Variants in ARHGAP6 observed in about 807,000 individuals in gnomAD.
ARHGAP6 encodes the protein rho GTPase-activating protein 6.
Under a neutral mutation model 55.7 loss-of-function variants are expected in ARHGAP6, and 16 were observed. That is an observed-to-expected ratio of 0.29 (90% CI 0.19 to 0.44). ARHGAP6 has a LOEUF of 0.44. Ranked by LOEUF, ARHGAP6 falls within the 20% of genes least tolerant of loss-of-function variation. The pLI, the probability that ARHGAP6 is intolerant of heterozygous loss-of-function variation, is 1.00. For synonymous variants in ARHGAP6, 382 were observed against 360.9 expected, an observed-to-expected ratio of 1.06 and a Z score of -0.66; for missense variants, 698 against 808.9, an observed-to-expected ratio of 0.86 and a Z score of 1.66.
At chrX:11,145,250 C>T (rs763635650) in intron 10 of ARHGAP6, 3 of 112,143 alleles carry the variant, frequency 2.7e-5, no homozygotes, top group Non-Finnish European at 5.6e-5. Flanking sequence ...CTTTTTATTT[C>T]TTAAAGAAGG....
chrX:11,584,131 T>A (rs1351113404), intron 1 of ARHGAP6, among the ~76,000 whole-genome samples: 1 of 112,158 alleles, frequency 8.9e-6, no homozygotes, highest in Non-Finnish European at 1.9e-5. Context: ...TGTCACTAGA[T>A]ACAAGACAAA....
At chrX:11,637,787 CT>C (rs755299744) in intron 1 of ARHGAP6, among the ~76,000 whole-genome samples, 1 of 107,982 alleles carries the variant, frequency 9.3e-6, no homozygotes, top group African/African-American at 3.4e-5. Context: ...CATTTTAAGT[CT>C]TCTTAATTAC....
intron 1 of ARHGAP6, among the ~76,000 whole-genome samples, chrX:11,458,521 T>C (rs187225228): frequency 8.9e-6 from 1 of 112,650 alleles, no homozygotes; most frequent in Admixed American, 9.4e-5. Flanking sequence ...AAAGAGTATG[T>C]CTTGGAGTAG....
At chrX:11,497,559 T>TCTC (rs2050635811) in intron 1 of ARHGAP6, among the ~76,000 whole-genome samples, 4 of 41,142 alleles carry the variant, frequency 9.7e-5, no homozygotes, top group African/African-American at 2.8e-4. Context: ...CCCTCCCTCC[T>TCTC]TCTCTCTCTC....
intron 1 of ARHGAP6, among the ~76,000 whole-genome samples, chrX:11,377,845 G>A (rs749320496): frequency 4.7e-4 from 52 of 111,622 alleles, no homozygotes; most frequent in Non-Finnish European, 8.8e-4. Flanking sequence ...GAACTGATCT[G>A]TGGGCCCAAA....
At chrX:11,662,425 T>C (rs191163121) in intron 1 of ARHGAP6, among the ~76,000 whole-genome samples, 9 of 106,936 alleles carry the variant, frequency 8.4e-5, no homozygotes, top group East Asian at 2.8e-4. Context: ...CACACACACA[T>C]ACACACATAT....
chrX:11,439,375 G>A (rs1034925289), intron 1 of ARHGAP6, among the ~76,000 whole-genome samples: 6 of 112,300 alleles, frequency 5.3e-5, no homozygotes, highest in East Asian at 2.8e-4. Flanking sequence ...ACACCCATTC[G>A]TTTACTTACT....
At chrX:11,390,154 A>G (rs762720620) in intron 1 of ARHGAP6, among the ~76,000 whole-genome samples, 23 of 111,528 alleles carry the variant, frequency 2.1e-4, no homozygotes, top group African/African-American at 7.2e-4. Context: ...TGGCTAGCCA[A>G]TTTTCCCAGC....
chrX:11,420,812 C>A (rs1342223116), intron 1 of ARHGAP6, among the ~76,000 whole-genome samples: 1 of 111,865 alleles, frequency 8.9e-6, no homozygotes, highest in Non-Finnish European at 1.9e-5. Context: ...GGCTGCTGAG[C>A]ACTCCACACA....
intron 1 of ARHGAP6, among the ~76,000 whole-genome samples, chrX:11,491,710 G>A (rs1300679934): frequency 6.3e-5 from 7 of 111,328 alleles, no homozygotes; most frequent in Admixed American, 5.7e-4. Flanking sequence ...ATGATTTATA[G>A]TCCTTTGGGT....
chrX:11,246,596 C>T (rs900735356), intron 2 of ARHGAP6, among the ~76,000 whole-genome samples: 2 of 112,000 alleles, frequency 1.8e-5, no homozygotes, highest in African/African-American at 6.5e-5. Context: ...ACCAATAAGA[C>T]GTAGCCCTAC....
Position 11,310,383 on chromosome X carries a change from T to C in ARHGAP6, c.589-55676A>G, listed in dbSNP as rs1446875024. ...ATGTAAGTCTGCACAAAAACTTGCA[T>C]ATGAATGTTCCTAACAGCATTATTC... On this transcript the variant is annotated intron_variant, in intron 1 of 12. Transcript: ENST00000337414. 3.6e-5 allele frequency among the ~76,000 whole-genome samples: 4 copies of C among 110,879 alleles called. No individual in the cohort carries two copies. In the East Asian group the frequency reaches 1.1e-3, roughly 31 times the overall value.
chrX:11,206,490 A>G (rs1253050486), intron 2 of ARHGAP6, among the ~76,000 whole-genome samples: 1 of 112,038 alleles, frequency 8.9e-6, no homozygotes, highest in Non-Finnish European at 1.9e-5. Flanking sequence ...GCTGTAATCA[A>G]AGGCACTGAT....
intron 1 of ARHGAP6, among the ~76,000 whole-genome samples, chrX:11,534,124 T>C (rs1468402646): frequency 1.8e-5 from 2 of 111,263 alleles, no homozygotes; most frequent in Non-Finnish European, 3.8e-5. Flanking sequence ...ACAGTTCTTA[T>C]CTCTGTGGGC....
At chrX:11,361,346 G>A (rs1402613427) in intron 1 of ARHGAP6, among the ~76,000 whole-genome samples, 1 of 110,007 alleles carries the variant, frequency 9.1e-6, no homozygotes, top group African/African-American at 3.3e-5. Context: ...CAGAAATAAC[G>A]CCGCATATCT....
chrX:11,362,020 G>C (rs1482857601), intron 1 of ARHGAP6, among the ~76,000 whole-genome samples: 1 of 111,795 alleles, frequency 8.9e-6, no homozygotes, highest in Non-Finnish European at 1.9e-5. Context: ...TGCTGGAGAG[G>C]ATGTGGAGAA....
intron 1 of ARHGAP6, among the ~76,000 whole-genome samples, chrX:11,375,378 T>C (rs1012321989): frequency 4.4e-5 from 5 of 112,467 alleles, no homozygotes; most frequent in Non-Finnish European, 7.5e-5. Context: ...ATGAAACATT[T>C]ATATTTGAAG....
chrX:11,501,164 C>T (rs1375849921), intron 1 of ARHGAP6, among the ~76,000 whole-genome samples: 1 of 112,006 alleles, frequency 8.9e-6, no homozygotes, highest in East Asian at 2.8e-4. Flanking sequence ...TAAAACTTTA[C>T]TTACAAGCTG....
At chrX:11,365,455 A>C (rs1376553070) in intron 1 of ARHGAP6, among the ~76,000 whole-genome samples, 1 of 112,461 alleles carries the variant, frequency 8.9e-6, no homozygotes, top group Non-Finnish European at 1.9e-5. Context: ...GTATTTTCAC[A>C]AGCTAAAAAT....
Sources: allele counts gnomAD v4.1 joint callset (sites outside exome capture counted in the v4.1 genomes callset), GRCh38; gene constraint gnomAD v4.1.1; transcripts MANE v1.5; gene names NCBI Gene and HGNC (gene_info 2026-07-23, HGNC 2026-07-21).